The following TNIK variants were observed in gnomAD, a reference collection of about 807,000 sequenced individuals.
TNIK encodes the protein TRAF2 and NCK-interacting protein kinase.
In TNIK, 49 loss-of-function variants were observed where a neutral mutation model predicts 191.3. The observed-to-expected ratio is 0.26, with a 90% confidence interval of 0.20 to 0.32. TNIK has a LOEUF of 0.32. Ranked by LOEUF, TNIK falls within the 10% of genes least tolerant of loss-of-function variation. The pLI is 1.00. For synonymous variants in TNIK, 594 were observed against 600.9 expected (o/e 0.99, Z 0.17); for missense variants, 1,155 against 1,702.3 (o/e 0.68, Z 5.66).
intron 3 of TNIK, among the ~76,000 whole-genome samples, chr3:171,222,791 A>G (rs1055836264): frequency 1.3e-5 from 2 of 152,198 alleles, no homozygotes; most frequent in Non-Finnish European, 2.9e-5. Context: ...TCAGTGAAGC[A>G]GAGCTTAGCA....
At chr3:171,198,698 T>C (rs758422878) in intron 4 of TNIK, among the ~76,000 whole-genome samples, 16 of 152,240 alleles carry the variant, frequency 1.1e-4, no homozygotes, top group Admixed American at 2.6e-4. Flanking sequence ...TTCATTATAC[T>C]GTTCTGCCTA....
chr3:171,077,773 C>T (rs943971044), intron 28 of TNIK, among the ~76,000 whole-genome samples: 3 of 149,626 alleles, frequency 2.0e-5, no homozygotes, highest in Non-Finnish European at 2.9e-5. Flanking sequence ...CTCATAATCT[C>T]TCTCTCTACA....
At chr3:171,199,094 A>G (rs1739081736) in intron 4 of TNIK, among the ~76,000 whole-genome samples, 1 of 152,148 alleles carries the variant, frequency 6.6e-6, no homozygotes, top group East Asian at 1.9e-4. Flanking sequence ...GCCAGGCACT[A>G]CTGTCAGTGA....
At chr3:171,394,882 G>A (rs1047296732) in intron 1 of TNIK, among the ~76,000 whole-genome samples, 5 of 152,160 alleles carry the variant, frequency 3.3e-5, no homozygotes, top group African/African-American at 1.2e-4. Flanking sequence ...TGGCAAAACA[G>A]TCTCGCACCT....
intron 2 of TNIK, among the ~76,000 whole-genome samples, chr3:171,369,252 A>G (rs1026462249): frequency 2.0e-5 from 3 of 152,184 alleles, no homozygotes; most frequent in Non-Finnish European, 4.4e-5. Flanking sequence ...CTACTTTTCC[A>G]GCTGTAATAG....
chr3:171,448,828 G>A (rs1483738312), intron 1 of TNIK, among the ~76,000 whole-genome samples: 1 of 152,074 alleles, frequency 6.6e-6, no homozygotes, highest in Non-Finnish European at 1.5e-5. Flanking sequence ...AGGTATACAT[G>A]TGCCATGGTG....
intron 2 of TNIK, among the ~76,000 whole-genome samples, chr3:171,328,987 C>T (rs1380777979): frequency 2.0e-5 from 3 of 152,150 alleles, no homozygotes; most frequent in African/African-American, 7.2e-5. Context: ...AATCTTCATC[C>T]AGATGTCTGA....
chr3:171,426,403 T>G (rs1724605554), intron 1 of TNIK, among the ~76,000 whole-genome samples: 1 of 92,006 alleles, frequency 1.1e-5, no homozygotes, highest in Non-Finnish European at 2.0e-5. Flanking sequence ...TGGGGCCTGT[T>G]GTGGGGTGGG....
At chr3:171,312,133 AAAAAAAAAG>A (rs1427247128) in intron 2 of TNIK, among the ~76,000 whole-genome samples, 3,272 of 133,564 alleles carry the variant, frequency 0.024, 365 homozygotes, top group African/African-American at 0.085. Context: ...AAAAAAAAAA[AAAAAAAAAG>A]GGCTAGACTG....
intron 2 of TNIK, among the ~76,000 whole-genome samples, chr3:171,312,786 TG>T (rs1281628651): frequency 6.6e-6 from 1 of 152,208 alleles, no homozygotes; most frequent in East Asian, 1.9e-4. Flanking sequence ...TGTGTGTCTC[TG>T]ACAATATTAC....
At chr3:171,273,961 C>T (rs1422773816) in intron 2 of TNIK, among the ~76,000 whole-genome samples, 1 of 152,216 alleles carries the variant, frequency 6.6e-6, no homozygotes, top group East Asian at 1.9e-4. Flanking sequence ...AGAGATTAAG[C>T]ACTGTCACCC....
In TNIK at chr3:171,084,222, G is replaced by A. The variant is rs555969903; in HGVS notation, c.3102C>T (p.Ser1034=). The A allele has an allele frequency of 1.5e-5, 24 of 1,613,298 alleles. No homozygotes were observed. Among genetic ancestry groups the A allele is most frequent in the South Asian group, 3.3e-5 (3 of 91,034 alleles). Residue 1034 remains serine (S), a synonymous_variant, in exon 26 of 33, where the codon AGC becomes AGT. Coordinates refer to ENST00000436636, the MANE Select transcript of TNIK (RefSeq NM_015028.4). The part of the protein sequence containing the change: ...NVNPTNIRPH[S]DTPEIRKYKK... ...TGTATTTTCTGATTTCTGGTGTGTC[G>A]CTATGAGGCCGAATGTTGGTTGGGT...
chr3:171,406,389 CCTCCAT>C (rs1721687696), intron 1 of TNIK, among the ~76,000 whole-genome samples: 1 of 152,050 alleles, frequency 6.6e-6, no homozygotes, highest in Non-Finnish European at 1.5e-5. Flanking sequence ...AGCAGGGCAC[CCTCCAT>C]ATTGAGAGCA....
intron 10 of TNIK, among the ~76,000 whole-genome samples, chr3:171,161,790 G>A (rs1319771491): frequency 1.3e-5 from 2 of 151,688 alleles, no homozygotes; most frequent in African/African-American, 4.8e-5. Flanking sequence ...CGTGGTGGCG[G>A]GTGCCTGTAG....
chr3:171,384,704 G>A (rs1718499665), intron 1 of TNIK, among the ~76,000 whole-genome samples: 1 of 152,214 alleles, frequency 6.6e-6, no homozygotes, highest in African/African-American at 2.4e-5. Flanking sequence ...TTTATGGCAT[G>A]AGCTGGCCCT....
chr3:171,303,084 A>T (rs776752534), intron 2 of TNIK, among the ~76,000 whole-genome samples: 12 of 152,228 alleles, frequency 7.9e-5, no homozygotes, highest in Non-Finnish European at 1.8e-4. Context: ...CTTACCCAAC[A>T]TTTATAAAGT....
chr3:171,314,631 G>A (rs1157938192), intron 2 of TNIK, among the ~76,000 whole-genome samples: 1 of 152,160 alleles, frequency 6.6e-6, no homozygotes, highest in African/African-American at 2.4e-5. Flanking sequence ...TCAAGAGATA[G>A]TTCCTGCATG....
At chr3:171,190,844 A>C in intron 5 of TNIK, 57 bp from the exon 6 acceptor site, 1 of 1,345,804 alleles carries the variant, frequency 7.4e-7, no homozygotes, top group Middle Eastern at 1.8e-4. Flanking sequence ...GATGCCAATA[A>C]ATTATTTTGA....
intron 2 of TNIK, among the ~76,000 whole-genome samples, chr3:171,258,489 C>A (rs1747170960): frequency 1.3e-5 from 2 of 152,104 alleles, no homozygotes; most frequent in Admixed American, 1.3e-4. Context: ...TTCCAATGCC[C>A]CATGTCAATC....
Sources: allele counts gnomAD v4.1 joint callset (sites outside exome capture counted in the v4.1 genomes callset), GRCh38; gene constraint gnomAD v4.1.1; transcripts MANE v1.5; gene names NCBI Gene and HGNC (gene_info 2026-07-23, HGNC 2026-07-21).